Variants in PRDM6 observed in about 807,000 individuals in gnomAD.
PRDM6 encodes the protein putative histone-lysine N-methyltransferase PRDM6.
A neutral mutation model predicts 60.8 loss-of-function variants in PRDM6; 25 were observed. That is an observed-to-expected ratio of 0.41 (90% confidence interval 0.30 to 0.57). The LOEUF is 0.57. Ranked by LOEUF, PRDM6 falls within the 20% of genes least tolerant of loss-of-function variation. The pLI is 0.27. For synonymous variants in PRDM6, 407 were observed against 357.4 expected, an observed-to-expected ratio of 1.14 and a Z score of -1.57; for missense variants, 839 against 821.3, an observed-to-expected ratio of 1.02 and a Z score of -0.26.
chr5:123,154,864 C>A (rs1765456808), intron 3 of PRDM6, among the ~76,000 whole-genome samples: 1 of 152,176 alleles, frequency 6.6e-6, no homozygotes, highest in Admixed American at 6.5e-5. Flanking sequence ...GAACCATACC[C>A]TTAGGAAATT....
intron 4 of PRDM6, among the ~76,000 whole-genome samples, chr5:123,157,153 C>T (rs541372899): frequency 6.7e-6 from 1 of 149,944 alleles, no homozygotes; most frequent in Non-Finnish European, 1.5e-5. Context: ...GGCTTGCTCT[C>T]TGAGGTCTTC....
At chr5:123,122,077 C>A (rs1326901779) in intron 3 of PRDM6, among the ~76,000 whole-genome samples, 2 of 138,936 alleles carry the variant, frequency 1.4e-5, no homozygotes, top group Middle Eastern at 4.3e-3. Context: ...GCAGAAGAAT[C>A]GTGTGAACCT....
chr5:123,184,081 A>C (rs964080229), intron 7 of PRDM6, among the ~76,000 whole-genome samples: 2 of 152,212 alleles, frequency 1.3e-5, no homozygotes, highest in African/African-American at 2.4e-5. Context: ...TCTAGGCAAA[A>C]TTAAAGCAAA....
intron 3 of PRDM6, among the ~76,000 whole-genome samples, chr5:123,140,067 A>G (rs2126859654): frequency 6.6e-6 from 1 of 152,302 alleles, no homozygotes; most frequent in South Asian, 2.1e-4. Flanking sequence ...AAACCATTCA[A>G]AAATTTTCTA....
chr5:123,166,985 A>G (rs1279509660), intron 5 of PRDM6, among the ~76,000 whole-genome samples: 1 of 152,050 alleles, frequency 6.6e-6, no homozygotes, highest in Non-Finnish European at 1.5e-5. Context: ...GCCGTTGTCT[A>G]TGTTGTCTTT....
intron 2 of PRDM6, 27 bp downstream of exon 2, chr5:123,090,633 C>T (rs748037601): frequency 4.8e-6 from 7 of 1,453,858 alleles, no homozygotes; most frequent in Non-Finnish European, 5.4e-6. Context: ...CGCGCGCTCT[C>T]TCCCGGGGCG....
At chr5:123,111,518 G>T (rs1764311453) in intron 3 of PRDM6, among the ~76,000 whole-genome samples, 1 of 152,182 alleles carries the variant, frequency 6.6e-6, no homozygotes, top group African/African-American at 2.4e-5. Context: ...CTAACACGGT[G>T]AAACCCCGTC....
At chr5:123,169,402 G>A (rs553789182) in intron 5 of PRDM6, among the ~76,000 whole-genome samples, 2 of 152,198 alleles carry the variant, frequency 1.3e-5, no homozygotes, top group Admixed American at 6.5e-5. Context: ...CACTTCCACT[G>A]CCACCACCCC....
At position 123,170,954 on chromosome 5, in the gene PRDM6, G is replaced by C; in HGVS notation, c.1342G>C (p.Val448Leu). ...PIESGFNQIN[V>L]KNQRVLASPT... ...TGAATCAGGATTTAATCAAATCAAC[G>C]TGAAAAACCAGCGAGTCCTGGCAAG... The change falls in exon 6 of 8, where the codon GTG becomes CTG. Residue 448 changes from valine (V) to leucine (L), a missense_variant. By Grantham distance (32) the Val-to-Leu change is conservative (BLOSUM62 1). This residue lies in a region of PRDM6 where 730 missense variants were observed against 648.8 expected (regional missense o/e 1.13). Transcript: ENST00000407847. The C allele has an allele frequency of 6.4e-7, 1 of 1,551,878 alleles. No homozygotes were observed. The highest frequency in any genetic ancestry group is 8.7e-7 in the Non-Finnish European group (1 of 1,147,028).
chr5:123,123,404 A>T (rs1028541255), intron 3 of PRDM6, among the ~76,000 whole-genome samples: 1 of 152,194 alleles, frequency 6.6e-6, no homozygotes. Flanking sequence ...GAGATTAAGG[A>T]TGTGTAGAAC....
intron 6 of PRDM6, among the ~76,000 whole-genome samples, chr5:123,172,413 TC>T (rs1223926977): frequency 6.6e-6 from 1 of 152,204 alleles, no homozygotes; most frequent in Non-Finnish European, 1.5e-5. Context: ...ATCTTTATTT[TC>T]AATAGGCGAG....
At chr5:123,171,251 AC>A in intron 6 of PRDM6, 143 bp downstream of exon 6, 1 of 701,220 alleles carries the variant, frequency 1.4e-6, no homozygotes, top group Non-Finnish European at 2.3e-6. Context: ...GAAATGCAAG[AC>A]CACTGCTTGA....
intron 5 of PRDM6, among the ~76,000 whole-genome samples, chr5:123,159,875 T>C (rs1339609273): frequency 6.6e-6 from 1 of 152,200 alleles, no homozygotes; most frequent in Admixed American, 6.5e-5. Context: ...TTGCCAGAAT[T>C]TTAAATAATA....
chr5:123,147,307 G>GAGAGAA (rs1309614411), intron 3 of PRDM6, among the ~76,000 whole-genome samples: 5 of 149,038 alleles, frequency 3.4e-5, no homozygotes, highest in African/African-American at 4.9e-5. Flanking sequence ...GAGAGAGAGA[G>GAGAGAA]AAAACGAACA....
chr5:123,130,225 T>C (rs1255870031), intron 3 of PRDM6, among the ~76,000 whole-genome samples: 5 of 55,554 alleles, frequency 9.0e-5, no homozygotes, highest in African/African-American at 2.3e-4. Flanking sequence ...CTTCCCTTCC[T>C]CTCCCCTCCC....
Position 123,090,325 on chromosome 5 carries a change from C to A in PRDM6, c.311C>A (p.Ala104Glu). 1 of 1,479,772 alleles carries A rather than the reference C, an allele frequency of 6.8e-7. No individual in the cohort carries two copies. Among genetic ancestry groups the A allele is most frequent in the South Asian group, 1.3e-5 (1 of 78,614 alleles). The allele number at this position is 1,479,772 out of a possible 1,614,324, so 91.7% of individuals were successfully genotyped here. Reference protein sequence around the residue: ...SSCAAAAAAAALAGLSALPVS... With the variant: ...SSCAAAAAAAELAGLSALPVS... ...TGCGCTGCTGCGGCCGCTGCCGCCGCGCTGGCTGGTCTCTCGGCCCTGCCG... is the reference window on the plus strand; with the variant it reads ...TGCGCTGCTGCGGCCGCTGCCGCCGAGCTGGCTGGTCTCTCGGCCCTGCCG... The change falls in exon 2 of 8, where the codon GCG becomes GAG. Residue 104 changes from alanine to glutamate, a missense_variant. Ala to Glu is a moderately radical substitution (Grantham distance 107, BLOSUM62 -1). Coordinates refer to ENST00000407847, the MANE Select transcript of PRDM6 (RefSeq NM_001136239.4).
At chr5:123,132,149 G>A (rs1335753437) in intron 3 of PRDM6, among the ~76,000 whole-genome samples, 1 of 152,008 alleles carries the variant, frequency 6.6e-6, no homozygotes, top group African/African-American at 2.4e-5. Flanking sequence ...CCTACTTTAT[G>A]TCATACTTAA....
chr5:123,142,990 A>G (rs1765148595), intron 3 of PRDM6, among the ~76,000 whole-genome samples: 1 of 151,918 alleles, frequency 6.6e-6, no homozygotes, highest in Non-Finnish European at 1.5e-5. Context: ...CACGTACTTC[A>G]GAGACCGAAG....
chr5:123,122,789 T>A (rs74673806), intron 3 of PRDM6, among the ~76,000 whole-genome samples: 1,739 of 151,626 alleles, frequency 0.011, 34 homozygotes, highest in African/African-American at 0.04. Context: ...AATAAACCTT[T>A]AAAAAAAAAG....
Sources: gnomAD v4.1 joint callset for allele counts (sites outside exome capture counted in the v4.1 genomes callset) on GRCh38, gnomAD v4.1.1 for gene constraint, gnomAD v4.1.1 regional missense constraint, MANE v1.5 for transcripts, NCBI Gene and HGNC (gene_info 2026-07-23, HGNC 2026-07-21) for gene names.